CHLSN: variants seen among roughly 807,000 people sequenced by gnomAD.
CHLSN encodes protein cholesin.
chr7:990,872 G>T, the CHLSN span, among the ~76,000 whole-genome samples: 1 of 152,112 alleles, frequency 6.6e-6, no homozygotes, highest in African/African-American at 2.4e-5. Flanking sequence ...GGAGGGTGCG[G>T]AACATTCCAG....
the CHLSN span, among the ~76,000 whole-genome samples, chr7:1,108,915 G>A: frequency 2.0e-5 from 1 of 51,052 alleles, no homozygotes; most frequent in African/African-American, 8.7e-5. Context: ...TTTTTTTTTT[G>A]AGACGGAGTC....
At chr7:1,029,636 C>A in the CHLSN span, among the ~76,000 whole-genome samples, 1 of 152,172 alleles carries the variant, frequency 6.6e-6, no homozygotes, top group South Asian at 2.1e-4. Flanking sequence ...GGAGGCTGGG[C>A]CGGTTCCAGG....
the CHLSN span, chr7:985,047 C>G: frequency 2.5e-6 from 4 of 1,612,510 alleles, no homozygotes; most frequent in Non-Finnish European, 3.4e-6. Flanking sequence ...CGGTGGCTGA[C>G]AAGATTCTGC....
chr7:1,006,325 G>T, the CHLSN span, among the ~76,000 whole-genome samples: 1 of 152,098 alleles, frequency 6.6e-6, no homozygotes, highest in East Asian at 1.9e-4. Flanking sequence ...CACAGTGCAG[G>T]GAAAGAGCAC....
At chr7:1,053,478 G>T in the CHLSN span, among the ~76,000 whole-genome samples, 1 of 152,208 alleles carries the variant, frequency 6.6e-6, no homozygotes, top group African/African-American at 2.4e-5. Context: ...CACATGACTC[G>T]CCAGGCCCTG....
the CHLSN span, among the ~76,000 whole-genome samples, chr7:1,046,084 A>AC: frequency 6.6e-6 from 1 of 152,140 alleles, no homozygotes; most frequent in Admixed American, 6.5e-5. Flanking sequence ...TATGTCTATC[A>AC]TACAATGAAT....
chr7:1,044,402 C>A, the CHLSN span, among the ~76,000 whole-genome samples: 4 of 152,378 alleles, frequency 2.6e-5, no homozygotes, highest in East Asian at 7.7e-4. Context: ...CCTCCACCGC[C>A]ACCGCCCCCC....
At chr7:1,039,403 G>A in the CHLSN span, among the ~76,000 whole-genome samples, 3 of 50,648 alleles carry the variant, frequency 5.9e-5, no homozygotes, top group African/African-American at 2.6e-4. Context: ...CGCCCCGTCC[G>A]GGAGGGAGGT....
chr7:1,082,785 T>C, the CHLSN span, among the ~76,000 whole-genome samples: 1 of 152,166 alleles, frequency 6.6e-6, no homozygotes, highest in Admixed American at 6.5e-5. Flanking sequence ...CAGTGTTCCA[T>C]GTTCCCACCA....
the CHLSN span, chr7:988,363 C>T: frequency 1.4e-5 from 22 of 1,612,586 alleles, no homozygotes; most frequent in Non-Finnish European, 1.8e-5. Context: ...CCGGCCATTT[C>T]CTGGACGCGA....
chr7:1,136,077 T>C, the CHLSN span, among the ~76,000 whole-genome samples: 1 of 116,014 alleles, frequency 8.6e-6, no homozygotes, highest in South Asian at 2.6e-4. Flanking sequence ...AATATAAGTA[T>C]ATATAAATTT....
the CHLSN span, among the ~76,000 whole-genome samples, chr7:1,007,009 C>A: frequency 9.8e-4 from 150 of 152,318 alleles, no homozygotes; most frequent in African/African-American, 3.6e-3. Context: ...CAGCCTGCGA[C>A]CCGGGTTCTA....
chr7:1,061,490 G>A, the CHLSN span, among the ~76,000 whole-genome samples: 169 of 151,456 alleles, frequency 1.1e-3, 1 homozygote, highest in Middle Eastern at 3.4e-3. Flanking sequence ...CAAGGCCTCC[G>A]TCCTCATCCC....
chr7:1,016,581 GCACACAGCAC>G, the CHLSN span, among the ~76,000 whole-genome samples: 20 of 134,144 alleles, frequency 1.5e-4, 2 homozygotes, highest in African/African-American at 5.2e-4. Context: ...GTACACAGCA[GCACACAGCAC>G]CACACAGCAG....
the CHLSN span, among the ~76,000 whole-genome samples, chr7:1,060,102 A>T: frequency 6.6e-6 from 1 of 151,624 alleles, no homozygotes; most frequent in Non-Finnish European, 1.5e-5. Flanking sequence ...GCCTGGCTGG[A>T]GACCTTCCAC....
the CHLSN span, among the ~76,000 whole-genome samples, chr7:1,066,047 ATG>A: frequency 6.6e-6 from 1 of 152,176 alleles, no homozygotes; most frequent in Non-Finnish European, 1.5e-5. Context: ...GCCGGCACGG[ATG>A]CCTCTCAATA....
the CHLSN span, chr7:988,830 C>T: frequency 2.0e-6 from 3 of 1,514,330 alleles, no homozygotes; most frequent in Admixed American, 5.6e-5. Context: ...TAGGAGCTCC[C>T]CCAGCCCCCA....
At chr7:1,054,239 A>T in the CHLSN span, among the ~76,000 whole-genome samples, 1 of 152,208 alleles carries the variant, frequency 6.6e-6, no homozygotes, top group Admixed American at 6.5e-5. Flanking sequence ...TCACCTTCCA[A>T]CCGGCGGAGA....
chr7:1,101,112 G>A, the CHLSN span, among the ~76,000 whole-genome samples: 11 of 152,252 alleles, frequency 7.2e-5, no homozygotes, highest in African/African-American at 1.4e-4. Flanking sequence ...TGACACGTGC[G>A]CCACGAGGGC....
Sources: allele counts gnomAD v4.1 joint callset (sites outside exome capture counted in the v4.1 genomes callset), GRCh38; gene constraint gnomAD v4.1.1; transcripts MANE v1.5; gene names NCBI Gene and HGNC (gene_info 2026-07-23, HGNC 2026-07-21).